The following CAV3 variants were observed in gnomAD, a reference collection of about 807,000 sequenced individuals.
CAV3 encodes the protein caveolin-3.
CAV3 carries 10 observed loss-of-function variants against 13.4 expected under a neutral mutation model. The ratio of observed to expected loss-of-function variants is 0.75; its 90% confidence interval spans 0.46 to 1.27. The LOEUF is 1.27. CAV3 is among the 50% of genes most tolerant of loss of function. The probability of loss-of-function intolerance (pLI) is 0.00; values close to 1 mark genes in which losing one functional copy is unlikely to be tolerated. For synonymous variants in CAV3, 90 were observed against 79.0 expected, an observed-to-expected ratio of 1.14 and a Z score of -0.74; for missense variants, 162 against 194.0, an observed-to-expected ratio of 0.83 and a Z score of 0.98.
chr3:8,741,692 T>C (rs1040784581), intron 1 of CAV3, among the ~76,000 whole-genome samples: 1 of 152,032 alleles, frequency 6.6e-6, no homozygotes, highest in South Asian at 2.1e-4. Flanking sequence ...AGATATCCTA[T>C]TTGAATTGTC....
intron 1 of CAV3, among the ~76,000 whole-genome samples, chr3:8,735,100 G>A (rs1410555299): frequency 5.9e-5 from 9 of 152,200 alleles, no homozygotes; most frequent in Admixed American, 5.2e-4. Context: ...TAAGAGGCCA[G>A]TGTCTGAGGC....
Position 8,738,719 on chromosome 3 carries a change from A to G in CAV3, c.114+4729A>G, listed in dbSNP as rs1197826281. Among the ~76,000 whole-genome samples the G allele has an allele frequency of 3.9e-5, 6 of 152,246 alleles. No homozygotes were observed. The East Asian group carries it at 9.6e-4, about 24-fold the overall frequency. ...AATGGAATAAGCAAAGGCTTTCCCA[A>G]CACTGGGAAGAATGTTGGGCAGAGT... On this transcript the variant is annotated intron_variant, in intron 1 of 1. Coordinates refer to ENST00000343849, the MANE Select transcript of CAV3 (RefSeq NM_033337.3).
At chr3:8,734,015 C>A in intron 1 of CAV3, 25 bp downstream of exon 1, 5 of 1,406,130 alleles carry the variant, frequency 3.6e-6, no homozygotes, top group Non-Finnish European at 5.0e-6. Context: ...CCTGCCTCGG[C>A]GGGCGGAGAG....
intron 1 of CAV3, among the ~76,000 whole-genome samples, chr3:8,734,323 C>G (rs568602104): frequency 6.6e-6 from 1 of 152,174 alleles, no homozygotes; most frequent in Non-Finnish European, 1.5e-5. Context: ...CTGGGAGGAA[C>G]AGGAACGGGC....
At chr3:8,734,557 C>T (rs140378277) in intron 1 of CAV3, among the ~76,000 whole-genome samples, 146 of 152,152 alleles carry the variant, frequency 9.6e-4, no homozygotes, top group African/African-American at 3.3e-3. Context: ...ACAGGGCAGA[C>T]GGCACCCGGG....
chr3:8,735,475 G>A (rs921440880), intron 1 of CAV3, among the ~76,000 whole-genome samples: 4 of 152,156 alleles, frequency 2.6e-5, no homozygotes, highest in South Asian at 2.1e-4. Context: ...TGCCTGTACT[G>A]TTTCAAACAT....
At chr3:8,744,590 G>A (rs962582511) in intron 1 of CAV3, among the ~76,000 whole-genome samples, 1 of 151,586 alleles carries the variant, frequency 6.6e-6, no homozygotes, top group Non-Finnish European at 1.5e-5. Flanking sequence ...CAAGACAGCT[G>A]AGGCTTAGTG....
intron 1 of CAV3, chr3:8,744,708 A>G (rs1229370416): frequency 1.3e-5 from 2 of 152,224 alleles, no homozygotes; most frequent in Admixed American, 6.5e-5. Context: ...CCTGTTCACC[A>G]TCCAATCCAC....
intron 1 of CAV3, chr3:8,742,736 G>GTGGA (rs1262998719): frequency 1.3e-5 from 4 of 300,388 alleles, no homozygotes; most frequent in Non-Finnish European, 2.7e-5. Flanking sequence ...GTGTGGGTGG[G>GTGGA]TGGATGGATG....
chr3:8,736,383 G>A (rs1240066166), intron 1 of CAV3, among the ~76,000 whole-genome samples: 1 of 152,182 alleles, frequency 6.6e-6, no homozygotes, highest in Non-Finnish European at 1.5e-5. Context: ...ACAGTCCCTG[G>A]CACCCAGCAA....
At chr3:8,744,513 T>C (rs1708086694) in intron 1 of CAV3, among the ~76,000 whole-genome samples, 1 of 150,016 alleles carries the variant, frequency 6.7e-6, no homozygotes, top group Non-Finnish European at 1.5e-5. Context: ...CCAGTGGATT[T>C]TACAGCCTCC....
chr3:8,741,457 T>C (rs1707955557), intron 1 of CAV3, among the ~76,000 whole-genome samples: 1 of 152,172 alleles, frequency 6.6e-6, no homozygotes, highest in Non-Finnish European at 1.5e-5. Context: ...TGGCAAAAGC[T>C]AAGCCTCTCA....
chr3:8,739,756 A>G lies in CAV3; in HGVS notation c.114+5766A>G, dbSNP rs541885343. On this transcript the variant is annotated intron_variant, in intron 1 of 1. Coordinates refer to ENST00000343849, the MANE Select transcript of CAV3 (RefSeq NM_033337.3). ...TAAAGACAGACTGTATCAGTTATCA[A>G]TTGTGAGTAACAAATCATTCCAAAA... Among the ~76,000 whole-genome samples the G allele has an allele frequency of 1.2e-4, 18 of 152,326 alleles. No individual in the cohort carries two copies. In the South Asian group the frequency reaches 1.4e-3, roughly 12 times the overall value.
Position 8,745,429 on chromosome 3 carries a change from G to T in CAV3, c.115-97G>T. The T allele has an allele frequency of 2.2e-6, 2 of 921,464 alleles. No individual in the cohort carries two copies. Among genetic ancestry groups the T allele is most frequent in the Non-Finnish European group, 1.8e-6 (1 of 566,960 alleles). The allele number at this position is 921,464 out of a possible 1,614,324, so 57.1% of individuals were successfully genotyped here. A position where few individuals can be genotyped will look rare whatever the true frequency, so the allele number is the denominator to read the frequency against. On this transcript the variant is annotated intron_variant, in intron 1 of 1. Transcript: ENST00000343849. This position sits in a 1 kb window ranked among gnomAD's most constrained non-coding sequence, Gnocchi z 4.8. The stretch of plus-strand genomic sequence containing the variant: ...AGGGTCCAGCCACCAAGGTTAACCT[G>T]ACCTCTAGGGGATTCTGACACATGC...
In CAV3 at chr3:8,745,063, G is replaced by A. The variant is rs188742051; in HGVS notation, c.115-463G>A. On this transcript the variant is annotated intron_variant, in intron 1 of 1. Coordinates refer to ENST00000343849, the MANE Select transcript of CAV3 (RefSeq NM_033337.3). This position sits in a 1 kb window ranked among gnomAD's most constrained non-coding sequence, Gnocchi z 4.8. Reference sequence around the variant, plus strand: ...ATCTCCAATATTGGAGGTGGGGCCGGGTGGGAGGTGATCGGATCACAGAGG... The same window carrying A: ...ATCTCCAATATTGGAGGTGGGGCCGAGTGGGAGGTGATCGGATCACAGAGG... The A allele has an allele frequency of 5.0e-3, 844 of 168,966 alleles. 3 individuals are homozygous for A. Among genetic ancestry groups the A allele is most frequent in the Non-Finnish European group, 8.0e-3 (616 of 77,098 alleles). The allele number at this position is 168,966 out of a possible 1,614,324, so 10.5% of individuals were successfully genotyped here.
At chr3:8,737,364 T>A (rs1053915460) in intron 1 of CAV3, among the ~76,000 whole-genome samples, 2 of 152,128 alleles carry the variant, frequency 1.3e-5, no homozygotes, top group Non-Finnish European at 2.9e-5. Flanking sequence ...TGGTCCCAAG[T>A]CCCTGGTGCC....
intron 1 of CAV3, among the ~76,000 whole-genome samples, chr3:8,741,458 A>G (rs1707955645): frequency 6.6e-6 from 1 of 152,170 alleles, no homozygotes; most frequent in East Asian, 1.9e-4. Flanking sequence ...GGCAAAAGCT[A>G]AGCCTCTCAC....
intron 1 of CAV3, among the ~76,000 whole-genome samples, chr3:8,741,759 G>A (rs1406353443): frequency 6.6e-6 from 1 of 151,962 alleles, no homozygotes; most frequent in Non-Finnish European, 1.5e-5. Context: ...AGGTATTTTC[G>A]ACCCCGGGTG....
rs554112203 is a variant in CAV3, at chr3:8,735,648, A to G, written c.114+1658A>G. Among the ~76,000 whole-genome samples, 3 of 152,346 alleles carry G rather than the reference A, an allele frequency of 2.0e-5. No homozygotes were observed. The East Asian group carries it at 5.8e-4, about 29-fold the overall frequency. On this transcript the variant is annotated intron_variant, in intron 1 of 1. Coordinates refer to ENST00000343849, the MANE Select transcript of CAV3 (RefSeq NM_033337.3). ...GCGGTCTTTCAGTGGGGCACCTCCC[A>G]TGCTGGAGAAGCCTAGCCTCTCCAC...
Sources: gnomAD v4.1 joint callset for allele counts (sites outside exome capture counted in the v4.1 genomes callset) on GRCh38, gnomAD v4.1.1 for gene constraint, Gnocchi (gnomAD v3.1) non-coding constraint, MANE v1.5 for transcripts, NCBI Gene and HGNC (gene_info 2026-07-23, HGNC 2026-07-21) for gene names.